Variants in AFF4 observed in about 807,000 individuals in gnomAD.
AFF4 encodes the protein AF4/FMR2 family member 4.
In AFF4, 13 loss-of-function variants were observed where a neutral mutation model predicts 124.8. The observed-to-expected ratio is 0.10, with a 90% CI of 0.07 to 0.17. The LOEUF is 0.17. Among genes scored for constraint, AFF4 ranks in the 10% least tolerant of loss-of-function variants. AFF4 has a pLI of 1.00. For synonymous variants in AFF4, 477 were observed against 496.1 expected, an observed-to-expected ratio of 0.96 and a Z score of 0.51; for missense variants, 1,092 against 1,403.8, an observed-to-expected ratio of 0.78 and a Z score of 3.55.
chr5:132,893,158 A>G, intron 11 of AFF4, 40 bp from the exon 12 acceptor site: 1 of 1,564,242 alleles, frequency 6.4e-7, no homozygotes. Flanking sequence ...TTTTTATTCA[A>G]CTAACTTCAG....
Position 132,877,678 on chromosome 5 carries a change from T to C in AFF4, c.*3381A>G. 4.7e-6 allele frequency: 1 copy of C among 211,796 alleles called. No homozygotes were observed. The highest frequency in any genetic ancestry group is 9.6e-6 in the Non-Finnish European group (1 of 104,076). 13.1% of individuals were successfully genotyped at this position (211,796 alleles called of 1,614,324 possible). ...TGGCTGCTCTGAAACTCCAGAGTAC[T>C]GGCCTCTAGAGCCAGAACTTTCATT... On this transcript the variant is annotated 3_prime_UTR_variant, in exon 21 of 21. Coordinates refer to ENST00000265343, the MANE Select transcript of AFF4 (RefSeq NM_014423.4).
intron 5 of AFF4, chr5:132,926,259 G>A: frequency 2.1e-6 from 1 of 469,742 alleles, no homozygotes; most frequent in Non-Finnish European, 4.3e-6. Flanking sequence ...CGGAATTGGG[G>A]AAAGGCTATT....
At chr5:132,951,842 T>C (rs182900232) in intron 1 of AFF4, among the ~76,000 whole-genome samples, 538 of 152,364 alleles carry the variant, frequency 3.5e-3, no homozygotes, top group Middle Eastern at 0.01. Context: ...ATTTTCTTTG[T>C]ACTTTTACTA....
At chr5:132,962,096 A>G (rs533547317) in intron 1 of AFF4, among the ~76,000 whole-genome samples, 2 of 152,242 alleles carry the variant, frequency 1.3e-5, no homozygotes, top group Non-Finnish European at 2.9e-5. Context: ...CTCACAGACC[A>G]CAAAGGCTCT....
intron 1 of AFF4, among the ~76,000 whole-genome samples, chr5:132,960,047 G>A (rs1403544372): frequency 1.3e-5 from 2 of 152,070 alleles, no homozygotes; most frequent in Non-Finnish European, 2.9e-5. Flanking sequence ...AAGCCACTGC[G>A]CCTGGCCAGT....
chr5:132,904,252 ATG>A (rs1760620341), intron 6 of AFF4, 114 bp downstream of exon 6: 4 of 952,380 alleles, frequency 4.2e-6, no homozygotes, highest in South Asian at 1.6e-5. Context: ...GAAAACAAAA[ATG>A]AAAAAGGATA....
At chr5:132,937,336 T>A in intron 1 of AFF4, 143 bp from the exon 2 acceptor site, 1 of 1,027,800 alleles carries the variant, frequency 9.7e-7, no homozygotes, top group Non-Finnish European at 1.3e-6. Context: ...TGAAGCTGGG[T>A]TTTGGTAATG....
At chr5:132,935,529 G>C (rs1761404523) in intron 2 of AFF4, among the ~76,000 whole-genome samples, 2 of 152,148 alleles carry the variant, frequency 1.3e-5, no homozygotes, top group African/African-American at 2.4e-5. Flanking sequence ...CCAGCACTTT[G>C]GGAGGCCAAG....
chr5:132,919,459 T>C (rs1760989235), intron 5 of AFF4, among the ~76,000 whole-genome samples: 1 of 152,204 alleles, frequency 6.6e-6, no homozygotes, highest in South Asian at 2.1e-4. Flanking sequence ...GATATGTACA[T>C]ACAAGAGGAT....
intron 1 of AFF4, among the ~76,000 whole-genome samples, chr5:132,940,998 G>C (rs996605916): frequency 6.6e-6 from 1 of 150,612 alleles, no homozygotes; most frequent in Non-Finnish European, 1.5e-5. Flanking sequence ...CTGAACTCCA[G>C]CCTGGGTGAC....
rs912626125 is a variant in AFF4, at chr5:132,876,087, C to G, written c.*4972G>C. 2 of 228,302 alleles carry G rather than the reference C, an allele frequency of 8.8e-6. No homozygotes were observed. Among genetic ancestry groups the G allele is most frequent in the Non-Finnish European group, 1.7e-5 (2 of 115,180 alleles). The allele number at this position is 228,302 out of a possible 1,614,324, so 14.1% of individuals were successfully genotyped here. A position where few individuals can be genotyped will look rare whatever the true frequency, so the allele number is the denominator to read the frequency against. ...CAAAATTTCTTAAAACCATTCAAAA[C>G]GGAGGCTAGATAGAAATTTTCATAA... On this transcript the variant is annotated 3_prime_UTR_variant, in exon 21 of 21. Coordinates refer to ENST00000265343, the MANE Select transcript of AFF4 (RefSeq NM_014423.4).
intron 1 of AFF4, among the ~76,000 whole-genome samples, chr5:132,962,348 C>G (rs1762098220): frequency 6.6e-6 from 1 of 152,100 alleles, no homozygotes; most frequent in Non-Finnish European, 1.5e-5. Context: ...AGTGACTGGC[C>G]TTAGTATAAA....
chr5:132,943,628 C>T, intron 1 of AFF4: 1 of 210,196 alleles, frequency 4.8e-6, no homozygotes, highest in Non-Finnish European at 1.1e-5. Context: ...AAATCTGTTG[C>T]AATATACCAT....
At chr5:132,936,786 T>G (rs936946215) in intron 2 of AFF4, among the ~76,000 whole-genome samples, 2 of 152,134 alleles carry the variant, frequency 1.3e-5, no homozygotes, top group African/African-American at 4.8e-5. Context: ...ACTTTTAGGG[T>G]GCTGGTAATG....
intron 20 of AFF4, among the ~76,000 whole-genome samples, chr5:132,882,785 T>C (rs1450190652): frequency 7.0e-6 from 1 of 142,734 alleles, no homozygotes; most frequent in East Asian, 2.0e-4. Flanking sequence ...AACCGGAAGG[T>C]GGAAGCTGCA....
At chr5:132,942,170 T>C (rs986392136) in intron 1 of AFF4, among the ~76,000 whole-genome samples, 4 of 152,166 alleles carry the variant, frequency 2.6e-5, no homozygotes, top group African/African-American at 9.7e-5. Flanking sequence ...CAGGTTGTTT[T>C]TACCTGTGCT....
intron 3 of AFF4, among the ~76,000 whole-genome samples, chr5:132,932,661 G>A (rs561413870): frequency 1.3e-5 from 2 of 152,336 alleles, no homozygotes; most frequent in South Asian, 4.1e-4. Flanking sequence ...ACCTTGAGCA[G>A]TAGGACGTAA....
chr5:132,897,164 G>A lies in AFF4; in HGVS notation c.1466C>T (p.Ala489Val), dbSNP rs1760427815. 1.1e-5 allele frequency: 17 copies of A among 1,614,154 alleles called. No individual in the cohort carries two copies. Among genetic ancestry groups the A allele is most frequent in the Non-Finnish European group, 1.4e-5 (17 of 1,180,026 alleles). The change falls in exon 11 of 21, where the codon GCC (alanine) becomes GTC (valine). Residue 489 changes from alanine to valine, a missense_variant. Ala to Val is a moderately conservative substitution (Grantham distance 64). Coordinates refer to ENST00000265343, the MANE Select transcript of AFF4 (RefSeq NM_014423.4). ...NKVNPHKVSP[A>V]SSVDSNIPSS... The stretch of plus-strand genomic sequence containing the variant: ...TGGGATGTTACTGTCCACTGAAGAG[G>A]CGGGTGACACTTTATGTGGGTTCAC...
intron 19 of AFF4, 95 bp from the exon 20 acceptor site, chr5:132,883,655 T>C: frequency 8.9e-7 from 1 of 1,121,422 alleles, no homozygotes; most frequent in Non-Finnish European, 1.3e-6. Flanking sequence ...GCATTTAAAA[T>C]GTAAAGATTC....
Sources: allele counts gnomAD v4.1 joint callset (sites outside exome capture counted in the v4.1 genomes callset), GRCh38; gene constraint gnomAD v4.1.1; transcripts MANE v1.5; gene names NCBI Gene and HGNC (gene_info 2026-07-23, HGNC 2026-07-21).